The following SMPD4 variants were observed in gnomAD, a reference collection of about 807,000 sequenced individuals.
SMPD4 encodes neutral sphingomyelinase 3.
SMPD4 carries 58 observed loss-of-function variants against 97.8 expected under a neutral mutation model. The ratio of observed to expected loss-of-function variants is 0.59; its 90% CI spans 0.48 to 0.74. The LOEUF (loss-of-function observed/expected upper bound fraction) is 0.74, where lower values mean the gene tolerates loss of function less well. SMPD4 is among the 30% of genes least tolerant of loss of function. The pLI is 0.00. For missense variants in SMPD4, 853 were observed against 1,080.5 expected (o/e 0.79, Z 2.95); for synonymous variants, 388 against 450.0 (o/e 0.86, Z 1.74).
intron 10 of SMPD4, 25 bp from the exon 11 acceptor site, chr2:130,161,297 C>CGGAAGA (rs1558748972): frequency 3.1e-6 from 5 of 1,606,838 alleles, no homozygotes; most frequent in Non-Finnish European, 4.3e-6. Context: ...AGAGAGATGC[C>CGGAAGA]GGAAGAGGCC....
intron 9 of SMPD4, among the ~76,000 whole-genome samples, chr2:130,165,183 G>A (rs1291054161): frequency 6.6e-6 from 1 of 150,946 alleles, no homozygotes. Flanking sequence ...CACTTTGGGA[G>A]GCCAAGGCAG....
At chr2:130,153,497 G>A (rs1686440291) in intron 17 of SMPD4, 47 bp from the exon 18 acceptor site, 2 of 1,608,722 alleles carry the variant, frequency 1.2e-6, no homozygotes, top group South Asian at 1.1e-5. Flanking sequence ...ATGAAGAGAG[G>A]GGACCAGTCT....
At chr2:130,173,251 A>G in intron 5 of SMPD4, 28 bp downstream of exon 5, 1 of 1,609,552 alleles carries the variant, frequency 6.2e-7, no homozygotes, top group East Asian at 2.2e-5. Flanking sequence ...TGCCCCGAGC[A>G]CCACTCTCGC....
chr2:130,181,231 C>T (rs557932766), intron 1 of SMPD4: 57 of 1,272,074 alleles, frequency 4.5e-5, no homozygotes, highest in Admixed American at 1.1e-4. Flanking sequence ...CAAGGCTCAA[C>T]TTCAACACAA....
upstream of SMPD4, chr2:130,181,705 G>GGCGGGGAAGAGAAATGGCGAGGCAGGAGT (rs755561720): frequency 6.5e-7 from 1 of 1,548,500 alleles, no homozygotes; most frequent in East Asian, 2.4e-5. Context: ...AGGCCGGCCG[G>GGCGGGGAAGAGAAATGGCGAGGCAGGAGT]GCGGGGAAGA....
chr2:130,166,700 G>A (rs1687960519), intron 9 of SMPD4, among the ~76,000 whole-genome samples: 1 of 152,198 alleles, frequency 6.6e-6, no homozygotes, highest in African/African-American at 2.4e-5. Context: ...GTGCCTAGAA[G>A]ACACAGCCAG....
chr2:130,170,745 C>A (rs183948407), intron 8 of SMPD4, among the ~76,000 whole-genome samples: 1 of 151,506 alleles, frequency 6.6e-6, no homozygotes, highest in East Asian at 2.0e-4. Context: ...GGCTGAGCAA[C>A]CCAGCCAGGC....
At chr2:130,165,830 A>C (rs1687875822) in intron 9 of SMPD4, among the ~76,000 whole-genome samples, 1 of 152,146 alleles carries the variant, frequency 6.6e-6, no homozygotes, top group Non-Finnish European at 1.5e-5. Flanking sequence ...TGGGCCTCCC[A>C]ACGCACTAAG....
rs776048829 is a variant in SMPD4, at chr2:130,153,744, T to C, written c.1851A>G (p.Glu617=). ...MGQDSVRKTD[E]YLEKALEYLR... is the part of the protein sequence containing the mutation. ...GGTACTCCAGGGCCTTCTCCAGGTATTCATCTGTCTTCCGGACACTGTCTT... is the reference window on the plus strand; with the variant it reads ...GGTACTCCAGGGCCTTCTCCAGGTACTCATCTGTCTTCCGGACACTGTCTT... Residue 617 remains glutamate, a synonymous_variant, in exon 17 of 20, where the codon GAA becomes GAG. Coordinates refer to ENST00000680298, the MANE Select transcript of SMPD4 (RefSeq NM_017951.5). 6.2e-7 allele frequency: 1 copy of C among 1,613,964 alleles called. No homozygotes were observed. The highest frequency in any genetic ancestry group is 1.1e-5 in the South Asian group (1 of 91,074).
In SMPD4 at chr2:130,164,356, G is replaced by A. The variant is rs377556845; in HGVS notation, c.864+18C>T. On this transcript the variant is annotated intron_variant, in intron 10 of 19. Transcript: ENST00000680298. ...CAGGGTCAGAAGCAGGAGGTGGGAA[G>A]AAAAACTGAAAACATACCTTGGCAT... 5 of 1,611,036 alleles carry A rather than the reference G, an allele frequency of 3.1e-6. No homozygotes were observed. Among genetic ancestry groups the A allele is most frequent in the South Asian group, 2.2e-5 (2 of 91,012 alleles).
At chr2:130,168,097 T>C (rs1451864977) in intron 8 of SMPD4, among the ~76,000 whole-genome samples, 1 of 152,202 alleles carries the variant, frequency 6.6e-6, no homozygotes, top group Non-Finnish European at 1.5e-5. Flanking sequence ...TCCTAGCTAC[T>C]TAGAAGGCTG....
intron 9 of SMPD4, among the ~76,000 whole-genome samples, chr2:130,165,372 G>C (rs1404268266): frequency 1.3e-5 from 2 of 150,730 alleles, no homozygotes; most frequent in African/African-American, 4.9e-5. Context: ...GTTGTGGTAA[G>C]CCAAAATCGT....
At chr2:130,162,746 T>C (rs1274622470) in intron 10 of SMPD4, among the ~76,000 whole-genome samples, 2 of 152,194 alleles carry the variant, frequency 1.3e-5, no homozygotes, top group Non-Finnish European at 2.9e-5. Context: ...GCAAGAAGCC[T>C]TGGGAGACAC....
chr2:130,180,796 A>G (rs1218711600), intron 1 of SMPD4, among the ~76,000 whole-genome samples: 5 of 152,174 alleles, frequency 3.3e-5, no homozygotes, highest in African/African-American at 1.2e-4. Flanking sequence ...AGGAATTTCT[A>G]GGAAATTTCC....
chr2:130,161,804 T>C (rs1190048129), intron 10 of SMPD4, among the ~76,000 whole-genome samples: 2 of 152,132 alleles, frequency 1.3e-5, no homozygotes, highest in Admixed American at 1.3e-4. Context: ...GCGGAGCATG[T>C]TCCAGGAGGA....
intron 10 of SMPD4, 24 bp from the exon 11 acceptor site, chr2:130,161,296 C>A: frequency 1.2e-6 from 2 of 1,606,156 alleles, no homozygotes; most frequent in South Asian, 1.1e-5. Context: ...CAGAGAGATG[C>A]CGGAAGAGGC....
intron 1 of SMPD4, among the ~76,000 whole-genome samples, chr2:130,178,675 G>C (rs1304880022): frequency 6.6e-6 from 1 of 151,902 alleles, no homozygotes; most frequent in Non-Finnish European, 1.5e-5. Flanking sequence ...GGCACCTGTA[G>C]TCCCAGCAAC....
Position 130,181,574 on chromosome 2 carries a change from A to G in SMPD4, c.-90T>C. On this transcript the variant is annotated 5_prime_UTR_variant, in exon 1 of 20. An upstream start codon of the reference 5' UTR is lost. Coordinates refer to ENST00000680298, the MANE Select transcript of SMPD4 (RefSeq NM_017951.5). ...GCTCGCCTCAGAGATGGAAGCCGCC[A>G]TTCCGCCACGGCGCCGAAAGTCGTC... The G allele has an allele frequency of 6.2e-7, 1 of 1,607,208 alleles. No individual in the cohort carries two copies. Among genetic ancestry groups the G allele is most frequent in the Non-Finnish European group, 8.5e-7 (1 of 1,177,678 alleles).
intron 18 of SMPD4, 56 bp from the exon 19 acceptor site, chr2:130,153,227 G>A: frequency 6.2e-7 from 1 of 1,613,160 alleles, no homozygotes; most frequent in Non-Finnish European, 8.5e-7. Context: ...ACACAACTCA[G>A]AGGAGCCTGA....
Sources: allele counts gnomAD v4.1 joint callset (sites outside exome capture counted in the v4.1 genomes callset), GRCh38; gene constraint gnomAD v4.1.1; transcripts MANE v1.5; gene names NCBI Gene and HGNC (gene_info 2026-07-23, HGNC 2026-07-21).